Variants in BAALC observed in about 807,000 individuals in gnomAD.
The protein encoded by BAALC is BAALC binder of MAP3K1 and KLF4.
Under a neutral mutation model 15.5 loss-of-function variants are expected in BAALC, and 9 were observed. That is an observed-to-expected ratio of 0.58 (90% CI 0.35 to 1.02). The LOEUF is 1.02. Among genes scored for constraint, BAALC ranks in the 50% least tolerant of loss-of-function variants. BAALC has a pLI of 0.02. For missense variants in BAALC, 201 were observed against 192.4 expected, an observed-to-expected ratio of 1.04 and a Z score of -0.27; for synonymous variants, 80 against 74.6, an observed-to-expected ratio of 1.07 and a Z score of -0.37.
chr8:103,166,222 T>A (rs1426486026), intron 1 of BAALC: 1 of 152,786 alleles, frequency 6.5e-6, no homozygotes, highest in South Asian at 2.1e-4. Flanking sequence ...CTTAGAGTCA[T>A]TCACTTCTGT....
chr8:103,153,001 G>A (rs1216583060), intron 1 of BAALC: 1 of 152,268 alleles, frequency 6.6e-6, no homozygotes, highest in Non-Finnish European at 1.5e-5. Context: ...TTGGTCAGAA[G>A]TGTATGATGT....
At chr8:103,161,825 A>G (rs1811231802) in intron 1 of BAALC, among the ~76,000 whole-genome samples, 1 of 152,178 alleles carries the variant, frequency 6.6e-6, no homozygotes, top group Non-Finnish European at 1.5e-5. Flanking sequence ...TTTAGTAGGT[A>G]AGGAATTGTA....
At chr8:103,221,330 G>C (rs181400962) in intron 2 of BAALC, among the ~76,000 whole-genome samples, 2 of 152,298 alleles carry the variant, frequency 1.3e-5, no homozygotes, top group Admixed American at 6.5e-5. Context: ...AGAAGCCAGA[G>C]GTGGCCCATT....
intron 1 of BAALC, among the ~76,000 whole-genome samples, chr8:103,171,231 CAGAAAG>C: frequency 8.0e-6 from 1 of 125,750 alleles, no homozygotes; most frequent in South Asian, 2.4e-4. Flanking sequence ...CAAGGAAGGA[CAGAAAG>C]AAAGAAAGGA....
chr8:103,226,649 A>G (rs1335412086), intron 2 of BAALC, among the ~76,000 whole-genome samples: 3 of 152,186 alleles, frequency 2.0e-5, no homozygotes, highest in Admixed American at 1.3e-4. Flanking sequence ...GGACACATAT[A>G]CTTAAAGAAC....
intron 1 of BAALC, among the ~76,000 whole-genome samples, chr8:103,158,019 A>G (rs1811136528): frequency 1.3e-5 from 2 of 152,262 alleles, no homozygotes; most frequent in African/African-American, 2.4e-5. Flanking sequence ...AATTTTCCCA[A>G]TGGTCTCATA....
intron 1 of BAALC, among the ~76,000 whole-genome samples, chr8:103,145,684 C>A (rs1272955741): frequency 6.6e-6 from 1 of 152,156 alleles, no homozygotes. Flanking sequence ...ATCCTTAGAT[C>A]TTTCTTTATA....
At chr8:103,159,077 A>C (rs1451299771) in intron 1 of BAALC, among the ~76,000 whole-genome samples, 1 of 152,204 alleles carries the variant, frequency 6.6e-6, no homozygotes, top group Non-Finnish European at 1.5e-5. Context: ...AATTGAAAAA[A>C]GTTTCTGTAT....
intron 1 of BAALC, among the ~76,000 whole-genome samples, chr8:103,159,581 A>G (rs1811176533): frequency 6.6e-6 from 1 of 151,870 alleles, no homozygotes; most frequent in African/African-American, 2.4e-5. Context: ...AGCATATTGG[A>G]TGGGTTTTAA....
chr8:103,215,436 C>T (rs1157394166), intron 2 of BAALC, among the ~76,000 whole-genome samples: 1 of 152,152 alleles, frequency 6.6e-6, no homozygotes, highest in Non-Finnish European at 1.5e-5. Context: ...GTTGTTGCCT[C>T]AATAATGCTG....
chr8:103,188,515 G>C (rs1475709830), intron 1 of BAALC, among the ~76,000 whole-genome samples: 1 of 152,190 alleles, frequency 6.6e-6, no homozygotes, highest in African/African-American at 2.4e-5. Context: ...GTCAGGAAAG[G>C]AATCACTAAT....
intron 1 of BAALC, among the ~76,000 whole-genome samples, chr8:103,180,991 A>C (rs1013285143): frequency 6.6e-6 from 1 of 152,180 alleles, no homozygotes; most frequent in Non-Finnish European, 1.5e-5. Context: ...AGTTGAAGAG[A>C]GCTGGCTTTC....
intron 1 of BAALC, among the ~76,000 whole-genome samples, chr8:103,158,229 G>C (rs1811142286): frequency 6.6e-6 from 1 of 152,090 alleles, no homozygotes; most frequent in South Asian, 2.1e-4. Flanking sequence ...TTGCCTCCCT[G>C]TGGTGTTGTT....
Position 103,141,085 on chromosome 8 carries a change from C to A in BAALC, c.160+28C>A, listed in dbSNP as rs1363710126. 2.1e-6 allele frequency: 3 copies of A among 1,411,396 alleles called. No homozygotes were observed. In the African/African-American group the frequency reaches 4.6e-5, roughly 21 times the overall value. 87.4% of individuals were successfully genotyped at this position (1,411,396 alleles called of 1,614,324 possible). ...AAGTGGCCGGGCCCCTGCAGACCCT[C>A]GCCCGCCCGCTACCCCGGGCGCCTT... On this transcript the variant is annotated intron_variant, in intron 1 of 2. Coordinates refer to ENST00000309982, the MANE Select transcript of BAALC (RefSeq NM_024812.3).
At chr8:103,156,412 CAT>C (rs1161088941) in intron 1 of BAALC, among the ~76,000 whole-genome samples, 3 of 152,180 alleles carry the variant, frequency 2.0e-5, no homozygotes, top group Non-Finnish European at 4.4e-5. Context: ...AAGAATATGG[CAT>C]CACGCAGAGT....
chr8:103,186,691 C>T (rs1462088995), intron 1 of BAALC, among the ~76,000 whole-genome samples: 2 of 152,162 alleles, frequency 1.3e-5, no homozygotes, highest in Non-Finnish European at 2.9e-5. Context: ...CCAAACCACA[C>T]ACTGCAATGT....
chr8:103,174,752 C>A (rs975698237), intron 1 of BAALC, among the ~76,000 whole-genome samples: 1 of 152,164 alleles, frequency 6.6e-6, no homozygotes, highest in African/African-American at 2.4e-5. Flanking sequence ...AGTGTACATT[C>A]CCATAGTAAT....
chr8:103,164,873 C>T (rs1392810025), intron 1 of BAALC, among the ~76,000 whole-genome samples: 1 of 152,172 alleles, frequency 6.6e-6, no homozygotes, highest in Admixed American at 6.6e-5. Flanking sequence ...ACAGGTCTGC[C>T]CTTCCCCAGA....
chr8:103,205,501 C>G (rs570865055), intron 1 of BAALC, among the ~76,000 whole-genome samples: 1 of 152,152 alleles, frequency 6.6e-6, no homozygotes, highest in African/African-American at 2.4e-5. Flanking sequence ...ACCCTCAAAA[C>G]TAACACGAGT....
Sources: gnomAD v4.1 joint callset for allele counts (sites outside exome capture counted in the v4.1 genomes callset) on GRCh38, gnomAD v4.1.1 for gene constraint, MANE v1.5 for transcripts, NCBI Gene and HGNC (gene_info 2026-07-23, HGNC 2026-07-21) for gene names.